SUGCT: variants seen among roughly 807,000 people sequenced by gnomAD.
The protein encoded by SUGCT is succinyl-CoA:glutarate-CoA transferase, also known as succinyl-CoA:glutarate CoA-transferase.
In SUGCT, 41 loss-of-function variants were observed where a neutral mutation model predicts 55.0. The ratio of observed to expected loss-of-function variants is 0.74; its 90% confidence interval spans 0.58 to 0.97. The LOEUF (loss-of-function observed/expected upper bound fraction) is 0.97. SUGCT is among the 50% of genes least tolerant of loss of function. The pLI is 0.00. For missense variants in SUGCT, 568 were observed against 547.8 expected (o/e 1.04, Z -0.37); for synonymous variants, 187 against 200.4 (o/e 0.93, Z 0.56).
At chr7:40,221,062 A>G (rs376744148) in intron 6 of SUGCT, among the ~76,000 whole-genome samples, 1 of 152,216 alleles carries the variant, frequency 6.6e-6, no homozygotes, top group East Asian at 1.9e-4. Context: ...TGCACTTAGC[A>G]AAAACAACCC....
chr7:40,661,678 G>T (rs1028975252), intron 12 of SUGCT, among the ~76,000 whole-genome samples: 1 of 152,084 alleles, frequency 6.6e-6, no homozygotes, highest in Non-Finnish European at 1.5e-5. Flanking sequence ...TCTATGTCTT[G>T]TCAGTGCCAA....
intron 12 of SUGCT, among the ~76,000 whole-genome samples, chr7:40,530,973 A>G (rs2151594328): frequency 6.6e-6 from 1 of 152,304 alleles, no homozygotes; most frequent in East Asian, 1.9e-4. Flanking sequence ...TAAACAAGTA[A>G]ATATAAGGGT....
intron 9 of SUGCT, among the ~76,000 whole-genome samples, chr7:40,330,134 G>A (rs182522430): frequency 2.4e-4 from 37 of 152,306 alleles, no homozygotes; most frequent in Admixed American, 2.3e-3. Flanking sequence ...ACATTATTGA[G>A]AACAGAAAGG....
chr7:40,807,478 G>A (rs956982969), intron 13 of SUGCT, among the ~76,000 whole-genome samples: 1 of 152,188 alleles, frequency 6.6e-6, no homozygotes, highest in African/African-American at 2.4e-5. Context: ...GCAGAAACAG[G>A]TGAAAGTGTC....
intron 13 of SUGCT, among the ~76,000 whole-genome samples, chr7:40,806,826 C>T (rs2128753890): frequency 6.6e-6 from 1 of 152,280 alleles, no homozygotes; most frequent in African/African-American, 2.4e-5. Flanking sequence ...GGGGTTTCAA[C>T]TAGGCTCTAC....
chr7:40,375,596 G>A (rs76857223), intron 9 of SUGCT, among the ~76,000 whole-genome samples: 2,578 of 152,128 alleles, frequency 0.017, 33 homozygotes, highest in Non-Finnish European at 0.029. Context: ...TTACCTATTA[G>A]CACAACTATC....
the SUGCT span, among the ~76,000 whole-genome samples, chr7:40,934,809 T>A: frequency 1.3e-5 from 2 of 152,218 alleles, no homozygotes; most frequent in African/African-American, 2.4e-5. Context: ...ATGCAGTATT[T>A]GGGCAGAAGT....
At chr7:40,409,459 T>G (rs1029190056) in intron 9 of SUGCT, among the ~76,000 whole-genome samples, 1 of 151,804 alleles carries the variant, frequency 6.6e-6, no homozygotes, top group African/African-American at 2.4e-5. Context: ...GGGGTCTCAC[T>G]CTGCTGTCCA....
At chr7:40,336,592 A>G (rs1796720205) in intron 9 of SUGCT, among the ~76,000 whole-genome samples, 1 of 152,088 alleles carries the variant, frequency 6.6e-6, no homozygotes, top group Non-Finnish European at 1.5e-5. Context: ...ATCGGTCATG[A>G]TATCCCCTTT....
chr7:40,763,128 T>A (rs898585034), intron 13 of SUGCT, among the ~76,000 whole-genome samples: 2 of 152,082 alleles, frequency 1.3e-5, no homozygotes, highest in Admixed American at 6.6e-5. Context: ...GCATAAAAAA[T>A]TTTATGCATT....
At chr7:40,621,686 A>T (rs2151792543) in intron 12 of SUGCT, among the ~76,000 whole-genome samples, 1 of 152,242 alleles carries the variant, frequency 6.6e-6, no homozygotes, top group East Asian at 1.9e-4. Context: ...GGCAAGAGAA[A>T]ATCAAGGATG....
chr7:40,409,705 A>ATT (rs111917936), intron 9 of SUGCT, among the ~76,000 whole-genome samples: 1 of 142,250 alleles, frequency 7.0e-6, no homozygotes, highest in Middle Eastern at 3.7e-3. Flanking sequence ...ATTTTGGATA[A>ATT]TTTTTTTTTT....
chr7:40,952,665 T>A, the SUGCT span, among the ~76,000 whole-genome samples: 1 of 152,212 alleles, frequency 6.6e-6, no homozygotes, highest in Non-Finnish European at 1.5e-5. Flanking sequence ...ACAAAATCTC[T>A]CAGTGTTTGC....
chr7:40,910,702 C>T, the SUGCT span, among the ~76,000 whole-genome samples: 3 of 151,916 alleles, frequency 2.0e-5, no homozygotes, highest in Non-Finnish European at 4.4e-5. Flanking sequence ...TTGATAAGTG[C>T]TAATAATAAT....
intron 12 of SUGCT, among the ~76,000 whole-genome samples, chr7:40,744,616 T>G (rs1342802453): frequency 1.3e-5 from 2 of 152,196 alleles, no homozygotes; most frequent in Non-Finnish European, 1.5e-5. Context: ...GGACAAATAC[T>G]TAGCCCCTCT....
rs543169818 is a variant in SUGCT at position 40,755,452 on chromosome 7, C to T, written c.1153+5955C>T. On this transcript the variant is annotated intron_variant, in intron 13 of 13. Transcript: ENST00000335693. ...GAGATGGGCCATTATGTAAATTTCA[C>T]CTTATTTGTGACTTTAGTGGGAAGA... Among the ~76,000 whole-genome samples, 8 of 152,288 alleles carry T rather than the reference C, an allele frequency of 5.3e-5. No homozygotes were observed. In the East Asian group the frequency reaches 1.2e-3, roughly 22 times the overall value.
the SUGCT span, among the ~76,000 whole-genome samples, chr7:40,989,470 T>C: frequency 2.6e-5 from 4 of 152,090 alleles, no homozygotes; most frequent in Non-Finnish European, 5.9e-5. Context: ...TGCTCATCCA[T>C]AAGAAACAAC....
chr7:40,351,148 TAAG>T lies in SUGCT; in HGVS notation c.816+34296_816+34298del, dbSNP rs1797613738. ...TTCTTTATTGCTGTGTAAGCCTTCT[TAAG>T]AACTCTTTGTAGGTTGATAACATTA... On this transcript the variant is annotated intron_variant, in intron 9 of 13. Transcript: ENST00000335693. Among the ~76,000 whole-genome samples the T allele has an allele frequency of 2.6e-5, 4 of 152,130 alleles. No individual in the cohort carries two copies. In the South Asian group the frequency reaches 8.3e-4, roughly 32 times the overall value.
intron 9 of SUGCT, among the ~76,000 whole-genome samples, chr7:40,359,174 T>C (rs2151217310): frequency 6.6e-6 from 1 of 152,160 alleles, no homozygotes; most frequent in East Asian, 1.9e-4. Flanking sequence ...CATGTATGTA[T>C]GTATGTATGT....
Sources: allele counts gnomAD v4.1 joint callset (sites outside exome capture counted in the v4.1 genomes callset), GRCh38; gene constraint gnomAD v4.1.1; transcripts MANE v1.5; gene names NCBI Gene and HGNC (gene_info 2026-07-23, HGNC 2026-07-21).